CERS3: variants seen among roughly 807,000 people sequenced by gnomAD.
CERS3 encodes LAG1 homolog, ceramide synthase 3.
CERS3 carries 33 observed loss-of-function variants against 50.3 expected under a neutral mutation model. That is an observed-to-expected ratio of 0.66 (90% CI 0.50 to 0.88). The LOEUF is 0.88. Ranked by LOEUF, CERS3 falls within the 40% of genes least tolerant of loss-of-function variation. The pLI, the probability that CERS3 is intolerant of heterozygous loss-of-function variation, is 0.00. For missense variants in CERS3, 470 were observed against 460.3 expected (o/e 1.02, Z -0.19); for synonymous variants, 176 against 155.2 (o/e 1.13, Z -0.99).
At chr15:100,504,597 A>C (rs919052864) in intron 2 of CERS3, among the ~76,000 whole-genome samples, 2 of 152,160 alleles carry the variant, frequency 1.3e-5, no homozygotes, top group African/African-American at 4.8e-5. Flanking sequence ...AGTGAATCCT[A>C]TTTATACCAT....
intron 4 of CERS3, among the ~76,000 whole-genome samples, chr15:100,490,045 T>A (rs1204410220): frequency 2.0e-5 from 3 of 152,236 alleles, no homozygotes; most frequent in Non-Finnish European, 4.4e-5. Context: ...ACTTGATTTT[T>A]AAAATTACTG....
At chr15:100,436,816 T>C (rs146606044) in intron 11 of CERS3, among the ~76,000 whole-genome samples, 3 of 152,102 alleles carry the variant, frequency 2.0e-5, no homozygotes, top group African/African-American at 7.2e-5. Flanking sequence ...CCATCAGAGG[T>C]CAGTTTGCCT....
chr15:100,507,951 ATG>A (rs549021074), intron 2 of CERS3, among the ~76,000 whole-genome samples: 239 of 152,336 alleles, frequency 1.6e-3, no homozygotes, highest in Middle Eastern at 6.8e-3. Context: ...TCCTTCAATG[ATG>A]TGAGTTGCCT....
At chr15:100,518,459 C>G (rs2411834) in intron 2 of CERS3, among the ~76,000 whole-genome samples, 151,354 of 152,372 alleles carry the variant, frequency 0.99, 75,182 homozygotes, top group Middle Eastern at 1. Flanking sequence ...ACTGAATTTA[C>G]AGATACTTCA....
intron 11 of CERS3, among the ~76,000 whole-genome samples, chr15:100,428,503 C>A (rs1368840323): frequency 2.0e-5 from 3 of 152,220 alleles, no homozygotes; most frequent in Non-Finnish European, 2.9e-5. Flanking sequence ...GACCTTGCTG[C>A]CCATTGTGGG....
At chr15:100,425,398 G>A (rs977197394) in intron 11 of CERS3, among the ~76,000 whole-genome samples, 3 of 152,210 alleles carry the variant, frequency 2.0e-5, no homozygotes, top group Non-Finnish European at 4.4e-5. Flanking sequence ...AGGGCCTTAG[G>A]AGCCCACCCC....
chr15:100,494,284 G>T (rs1294413106), intron 3 of CERS3, among the ~76,000 whole-genome samples: 1 of 138,558 alleles, frequency 7.2e-6, no homozygotes, highest in Non-Finnish European at 1.5e-5. Flanking sequence ...GTCTTGCACT[G>T]TCGCCCAGGC....
chr15:100,458,594 A>T (rs1330793297), intron 10 of CERS3, among the ~76,000 whole-genome samples: 1 of 152,100 alleles, frequency 6.6e-6, no homozygotes, highest in Non-Finnish European at 1.5e-5. Flanking sequence ...TCAAAAAAAA[A>T]AAAAAAGATG....
chr15:100,460,911 G>A (rs148125023), intron 10 of CERS3, among the ~76,000 whole-genome samples: 1 of 152,184 alleles, frequency 6.6e-6, no homozygotes, highest in South Asian at 2.1e-4. Context: ...ATATGGCAGG[G>A]TTCTACATGT....
intron 8 of CERS3, among the ~76,000 whole-genome samples, chr15:100,475,317 C>T (rs1015118987): frequency 1.3e-5 from 2 of 152,198 alleles, no homozygotes; most frequent in Non-Finnish European, 1.5e-5. Context: ...TCAACACAAA[C>T]ATTTAATCAA....
intron 11 of CERS3, among the ~76,000 whole-genome samples, chr15:100,429,634 A>G (rs1596645032): frequency 1.3e-5 from 2 of 152,170 alleles, no homozygotes; most frequent in Non-Finnish European, 2.9e-5. Flanking sequence ...ACTCCCTTCA[A>G]ACATTGGTTA....
intron 7 of CERS3, among the ~76,000 whole-genome samples, chr15:100,476,749 G>A (rs1260371933): frequency 2.0e-5 from 3 of 152,086 alleles, no homozygotes; most frequent in Non-Finnish European, 4.4e-5. Context: ...TGGGAGTGGT[G>A]GTGTTTATTT....
At chr15:100,413,978 GGA>G (rs559641705) in intron 11 of CERS3, among the ~76,000 whole-genome samples, 314 of 152,120 alleles carry the variant, frequency 2.1e-3, no homozygotes, top group African/African-American at 7.1e-3. Flanking sequence ...AAAAATACCT[GGA>G]ACAGATGGAT....
chr15:100,542,127 G>A (rs2037216501), intron 1 of CERS3, among the ~76,000 whole-genome samples: 1 of 151,812 alleles, frequency 6.6e-6, no homozygotes, highest in South Asian at 2.1e-4. Flanking sequence ...TTCAACCTTT[G>A]CTCAAAATTA....
chr15:100,497,647 A>G (rs1344131464), intron 3 of CERS3, among the ~76,000 whole-genome samples: 4 of 152,108 alleles, frequency 2.6e-5, no homozygotes, highest in Non-Finnish European at 5.9e-5. Context: ...ATGAAGCATA[A>G]CATTCTTCTC....
chr15:100,465,594 T>C (rs905715594), intron 10 of CERS3, among the ~76,000 whole-genome samples: 1 of 151,988 alleles, frequency 6.6e-6, no homozygotes, highest in Non-Finnish European at 1.5e-5. Flanking sequence ...TTCCAAACAA[T>C]GAGAATCAGT....
At chr15:100,509,803 A>T (rs758954863) in intron 2 of CERS3, among the ~76,000 whole-genome samples, 7 of 152,164 alleles carry the variant, frequency 4.6e-5, no homozygotes, top group Non-Finnish European at 7.3e-5. Flanking sequence ...ATGAATATTT[A>T]TTGAATGAAT....
intron 11 of CERS3, among the ~76,000 whole-genome samples, chr15:100,435,720 T>C (rs1256196140): frequency 6.6e-6 from 1 of 152,124 alleles, no homozygotes; most frequent in Non-Finnish European, 1.5e-5. Flanking sequence ...TTGCAATCTA[T>C]CCATCTGACA....
chr15:100,436,311 T>C (rs1222070308), intron 11 of CERS3, among the ~76,000 whole-genome samples: 2 of 152,230 alleles, frequency 1.3e-5, no homozygotes, highest in African/African-American at 4.8e-5. Context: ...AATGAGTTCA[T>C]GTCCTTTGCA....
Sources: gnomAD v4.1 joint callset for allele counts (sites outside exome capture counted in the v4.1 genomes callset) on GRCh38, gnomAD v4.1.1 for gene constraint, MANE v1.5 for transcripts, NCBI Gene and HGNC (gene_info 2026-07-23, HGNC 2026-07-21) for gene names.